Variants in CIP2A observed in about 807,000 individuals in gnomAD.
CIP2A encodes the protein cellular inhibitor of PP2A.
CIP2A carries 103 observed loss-of-function variants against 110.9 expected under a neutral mutation model. The observed-to-expected ratio is 0.93, with a 90% CI of 0.79 to 1.09. The LOEUF is 1.09. CIP2A is among the 50% of genes least tolerant of loss of function. CIP2A has a pLI of 0.00. For missense variants in CIP2A, 1,088 were observed against 1,038.4 expected (o/e 1.05, Z -0.66); for synonymous variants, 381 against 361.6 (o/e 1.05, Z -0.61).
At position 108,582,103 on chromosome 3, in the gene CIP2A, C is replaced by A. The variant is rs758884795; in HGVS notation, c.452+5G>T. 1.3e-5 allele frequency: 17 copies of A among 1,316,990 alleles called. No homozygotes were observed. In the South Asian group the frequency reaches 2.4e-4, roughly 18 times the overall value. 81.6% of individuals were successfully genotyped at this position (1,316,990 alleles called of 1,614,324 possible). ...ATTTGGTTTTATGTTTGATTGCATA[C>A]TCACATGTGATCTATCAGGAACGTA... On this transcript the variant is annotated splice_donor_5th_base_variant and intron_variant, in intron 4 of 20. Coordinates refer to ENST00000295746, the MANE Select transcript of CIP2A (RefSeq NM_020890.3).
chr3:108,569,025 G>T (rs935275898), intron 9 of CIP2A, among the ~76,000 whole-genome samples: 1 of 150,930 alleles, frequency 6.6e-6, no homozygotes, highest in African/African-American at 2.4e-5. Flanking sequence ...AATCCAATAT[G>T]CCTCTATTGT....
intron 13 of CIP2A, among the ~76,000 whole-genome samples, chr3:108,561,626 A>C (rs1427964220): frequency 2.0e-5 from 3 of 152,154 alleles, no homozygotes; most frequent in Non-Finnish European, 4.4e-5. Flanking sequence ...TCATGATCAC[A>C]CCACTGCACC....
intron 1 of CIP2A, among the ~76,000 whole-genome samples, chr3:108,586,329 G>C (rs1391437481): frequency 6.6e-6 from 1 of 151,812 alleles, no homozygotes. Context: ...AGATATTCTG[G>C]GGTAGGAAAT....
At chr3:108,578,776 A>T (rs1035225580) in intron 7 of CIP2A, among the ~76,000 whole-genome samples, 2 of 151,656 alleles carry the variant, frequency 1.3e-5, no homozygotes, top group African/African-American at 4.9e-5. Flanking sequence ...ATACACTGAG[A>T]TAGAAAGGAC....
At chr3:108,553,909 A>C (rs984130376) in intron 18 of CIP2A, among the ~76,000 whole-genome samples, 179 bp from the exon 19 acceptor site, 23 of 132,636 alleles carry the variant, frequency 1.7e-4, no homozygotes, top group Non-Finnish European at 2.9e-4. Flanking sequence ...AAAAAAAAAA[A>C]AAAAAAAAAA....
At position 108,571,534 on chromosome 3, in the gene CIP2A, T is replaced by C. The variant is rs144919757; in HGVS notation, c.895-1927A>G. ...CCCTGTAGGCAAGCAATGTTACCAA[T>C]TGTTTGTGTATCTTACCATATGTCC... is the stretch of plus-strand genomic sequence containing the variant. On this transcript the variant is annotated intron_variant, in intron 8 of 20. Transcript: ENST00000295746. 3.5e-3 allele frequency among the ~76,000 whole-genome samples: 536 copies of C among 152,308 alleles called. 3 individuals are homozygous for C. Among genetic ancestry groups the C allele is most frequent in the African/African-American group, 0.012 (496 of 41,586 alleles).
At position 108,552,381 on chromosome 3, in the gene CIP2A, GA is replaced by G. The variant is rs769351937; in HGVS notation, c.2408-9del. On this transcript the variant is annotated splice_polypyrimidine_tract_variant and intron_variant, in intron 19 of 20. Transcript: ENST00000295746. ...TTGTTTTTTGATGCAAATCTTAAAA[GA>G]AAAAAAAGTCAAGTATTATACTCAG... is the stretch of plus-strand genomic sequence containing the variant. 5.0e-5 allele frequency: 74 copies of G among 1,490,926 alleles called. No homozygotes were observed. The highest frequency in any genetic ancestry group is 9.0e-5 in the Admixed American group (4 of 44,204). The allele number at this position is 1,490,926 out of a possible 1,614,324, so 92.4% of individuals were successfully genotyped here.
chr3:108,561,146 T>C (rs984098200), intron 13 of CIP2A, among the ~76,000 whole-genome samples: 5 of 152,176 alleles, frequency 3.3e-5, no homozygotes, highest in African/African-American at 1.2e-4. Flanking sequence ...GTCAGAATAA[T>C]GTTCTTATCA....
intron 8 of CIP2A, among the ~76,000 whole-genome samples, chr3:108,571,237 A>G (rs1001054838): frequency 8.5e-5 from 13 of 152,176 alleles, no homozygotes; most frequent in Non-Finnish European, 1.8e-4. Context: ...CTAAAATAAC[A>G]AAGAATAAGT....
chr3:108,558,736 A>G (rs1937896216), intron 16 of CIP2A, among the ~76,000 whole-genome samples: 1 of 152,162 alleles, frequency 6.6e-6, no homozygotes, highest in African/African-American at 2.4e-5. Context: ...AGTTAGGCAG[A>G]AGAGAGGAAA....
chr3:108,582,048 G>T, intron 4 of CIP2A, 60 bp downstream of exon 4: 1 of 770,032 alleles, frequency 1.3e-6, no homozygotes, highest in Non-Finnish European at 2.1e-6. Context: ...TCTACCACAT[G>T]GTTGTAATTT....
chr3:108,582,373 ACAT>A (rs1938912102), intron 3 of CIP2A, among the ~76,000 whole-genome samples, 171 bp from the exon 4 acceptor site: 1 of 152,214 alleles, frequency 6.6e-6, no homozygotes, highest in East Asian at 1.9e-4. Flanking sequence ...CTCAATTCAC[ACAT>A]TTCTACGTAT....
At chr3:108,580,619 T>G (rs905934438) in intron 5 of CIP2A, among the ~76,000 whole-genome samples, 3 of 151,590 alleles carry the variant, frequency 2.0e-5, no homozygotes, top group African/African-American at 7.3e-5. Flanking sequence ...GTGACTTGCT[T>G]GATTTAATAT....
chr3:108,550,036 A>G lies in CIP2A; in HGVS notation c.*1113T>C, dbSNP rs2083876945. On this transcript the variant is annotated 3_prime_UTR_variant, in exon 21 of 21. Coordinates refer to ENST00000295746, the MANE Select transcript of CIP2A (RefSeq NM_020890.3). ...ATAATATTTTTTAAAAAATTTCCAG[A>G]ACTGTACAAATCTAAATTCACTTAA... 6.6e-6 allele frequency: 1 copy of G among 152,022 alleles called. No homozygotes were observed. The highest frequency in any genetic ancestry group is 2.4e-5 in the African/African-American group (1 of 41,450). The allele number at this position is 152,022 out of a possible 1,614,324, so 9.4% of individuals were successfully genotyped here. A position where few individuals can be genotyped will look rare whatever the true frequency, so the allele number is the denominator to read the frequency against.
At chr3:108,558,260 A>G (rs1576299662) in intron 16 of CIP2A, among the ~76,000 whole-genome samples, 2 of 152,170 alleles carry the variant, frequency 1.3e-5, no homozygotes, top group Non-Finnish European at 2.9e-5. Context: ...CAAAAAAGAA[A>G]GAAATATGGG....
At chr3:108,577,011 C>T (rs1190069659) in intron 7 of CIP2A, among the ~76,000 whole-genome samples, 2 of 152,154 alleles carry the variant, frequency 1.3e-5, no homozygotes, top group African/African-American at 4.8e-5. Flanking sequence ...GTATTAAACC[C>T]AGACTCGAGT....
At chr3:108,575,569 T>A (rs1246427504) in intron 8 of CIP2A, among the ~76,000 whole-genome samples, 1 of 149,576 alleles carries the variant, frequency 6.7e-6, no homozygotes, top group African/African-American at 2.5e-5. Flanking sequence ...TACGTGTATA[T>A]ATACTCATAT....
intron 9 of CIP2A, 30 bp downstream of exon 9, chr3:108,569,359 G>A (rs1938305477): frequency 1.3e-6 from 2 of 1,517,474 alleles, no homozygotes; most frequent in Non-Finnish European, 9.1e-7. Context: ...CACAAAAGTA[G>A]AAAAGTCAAT....
intron 1 of CIP2A, among the ~76,000 whole-genome samples, chr3:108,589,045 C>A (rs529969345): frequency 1.3e-4 from 20 of 152,332 alleles, no homozygotes; most frequent in Admixed American, 2.0e-4. Context: ...AACTTCCCAA[C>A]CTTTTGCCCC....
Sources: allele counts gnomAD v4.1 joint callset (sites outside exome capture counted in the v4.1 genomes callset), GRCh38; gene constraint gnomAD v4.1.1; transcripts MANE v1.5; gene names NCBI Gene and HGNC (gene_info 2026-07-23, HGNC 2026-07-21).